Variants in SLC35F1 observed in about 807,000 individuals in gnomAD.
SLC35F1 encodes solute carrier family 35 member F1, also known as chromosome 6 open reading frame 169.
Under a neutral mutation model 48.7 loss-of-function variants are expected in SLC35F1, and 14 were observed. That is an observed-to-expected ratio of 0.29 (90% CI 0.19 to 0.45). The LOEUF is 0.45. Ranked by LOEUF, SLC35F1 falls within the 20% of genes least tolerant of loss-of-function variation. The pLI, the probability that SLC35F1 is intolerant of heterozygous loss-of-function variation, is 1.00. For missense variants in SLC35F1, 404 were observed against 500.0 expected (o/e 0.81, Z 1.83); for synonymous variants, 190 against 202.2 (o/e 0.94, Z 0.51).
At chr6:118,271,713 C>T (rs1322991126) in intron 4 of SLC35F1, among the ~76,000 whole-genome samples, 1 of 152,108 alleles carries the variant, frequency 6.6e-6, no homozygotes, top group Non-Finnish European at 1.5e-5. Flanking sequence ...AAACAAAAAT[C>T]GGATAAGGAA....
chr6:118,276,933 G>C (rs1034441531), intron 5 of SLC35F1, among the ~76,000 whole-genome samples: 2 of 152,132 alleles, frequency 1.3e-5, no homozygotes, highest in African/African-American at 4.8e-5. Context: ...TTCTAGATGA[G>C]AGGTTCTCAA....
At position 117,908,049 on chromosome 6, in the gene SLC35F1, C is replaced by T. The variant is rs57565106; in HGVS notation, c.173+150C>T. 16,711 of 813,030 alleles carry T rather than the reference C, an allele frequency of 0.021. 2,101 individuals carry two copies. In the African/African-American group the frequency reaches 0.27, roughly 13 times the overall value. 50.4% of individuals were successfully genotyped at this position (813,030 alleles called of 1,614,324 possible). On this transcript the variant is annotated intron_variant, in intron 1 of 7. Transcript: ENST00000360388. ...GGAGATCGGGCGACGACGCGCTCCGCGGGCGCAGAGAGGCCGCGGCAGCTT... is the reference window on the plus strand; with the variant it reads ...GGAGATCGGGCGACGACGCGCTCCGTGGGCGCAGAGAGGCCGCGGCAGCTT...
At chr6:117,925,741 G>C (rs1776019091) in intron 1 of SLC35F1, among the ~76,000 whole-genome samples, 1 of 152,094 alleles carries the variant, frequency 6.6e-6, no homozygotes, top group African/African-American at 2.4e-5. Flanking sequence ...GATGTGCAGG[G>C]TGGTTTGCCC....
chr6:118,266,375 T>A (rs935760603), intron 3 of SLC35F1, among the ~76,000 whole-genome samples: 1 of 152,186 alleles, frequency 6.6e-6, no homozygotes, highest in African/African-American at 2.4e-5. Context: ...AAAAAATTTT[T>A]TTTCTAATAG....
At chr6:118,008,578 T>C (rs1777205322) in intron 1 of SLC35F1, among the ~76,000 whole-genome samples, 1 of 152,326 alleles carries the variant, frequency 6.6e-6, no homozygotes, top group South Asian at 2.1e-4. Context: ...GGGCCTGACC[T>C]TATGGAGCCA....
chr6:118,053,275 A>G (rs1772416517), intron 1 of SLC35F1, among the ~76,000 whole-genome samples: 1 of 152,176 alleles, frequency 6.6e-6, no homozygotes, highest in Non-Finnish European at 1.5e-5. Flanking sequence ...AAGATTTAAG[A>G]AGACTAGAAA....
At chr6:118,092,137 T>C (rs1463763464) in intron 1 of SLC35F1, among the ~76,000 whole-genome samples, 1 of 152,140 alleles carries the variant, frequency 6.6e-6, no homozygotes, top group Non-Finnish European at 1.5e-5. Context: ...AAGAGCCAAA[T>C]GTTAATCACC....
chr6:118,114,513 A>G (rs1773450487), intron 1 of SLC35F1, among the ~76,000 whole-genome samples: 1 of 151,380 alleles, frequency 6.6e-6, no homozygotes, highest in African/African-American at 2.4e-5. Flanking sequence ...AACTGGGACT[A>G]CAGGGGCCCG....
At chr6:117,930,036 C>T (rs1050052277) in intron 1 of SLC35F1, among the ~76,000 whole-genome samples, 1 of 152,192 alleles carries the variant, frequency 6.6e-6, no homozygotes, top group African/African-American at 2.4e-5. Flanking sequence ...TGCCCAAAGT[C>T]ACATAGATAC....
chr6:118,071,068 ATATAC>A (rs1333244460), intron 1 of SLC35F1, among the ~76,000 whole-genome samples: 5 of 6,588 alleles, frequency 7.6e-4, no homozygotes, highest in South Asian at 5.4e-3. Flanking sequence ...TTCTACGTAT[ATATAC>A]TATGTGTATA....
intron 5 of SLC35F1, 77 bp from the exon 6 acceptor site, chr6:118,277,417 G>C (rs1401397810): frequency 1.6e-5 from 20 of 1,277,326 alleles, no homozygotes; most frequent in Non-Finnish European, 2.0e-5. Flanking sequence ...TCTGATAAGT[G>C]GGGGGGAAAA....
At chr6:118,287,681 A>G (rs578014010) in intron 7 of SLC35F1, among the ~76,000 whole-genome samples, 9 of 152,278 alleles carry the variant, frequency 5.9e-5, no homozygotes, top group African/African-American at 2.2e-4. Flanking sequence ...ACTGTCTTTG[A>G]TAACAGTGTA....
chr6:118,111,987 A>G (rs545721558), intron 1 of SLC35F1, among the ~76,000 whole-genome samples: 1 of 152,272 alleles, frequency 6.6e-6, no homozygotes, highest in East Asian at 1.9e-4. Flanking sequence ...ACAAATTAAT[A>G]ATGTTTTCTA....
At chr6:117,968,647 A>G (rs1466991121) in intron 1 of SLC35F1, among the ~76,000 whole-genome samples, 1 of 152,166 alleles carries the variant, frequency 6.6e-6, no homozygotes, top group Non-Finnish European at 1.5e-5. Flanking sequence ...GTGGTTTGGG[A>G]TATCTAATAC....
At chr6:118,039,063 A>T (rs2114899886) in intron 1 of SLC35F1, among the ~76,000 whole-genome samples, 2 of 152,274 alleles carry the variant, frequency 1.3e-5, no homozygotes, top group Admixed American at 1.3e-4. Context: ...AGATTTTTTA[A>T]GATTCCTTAG....
intron 1 of SLC35F1, among the ~76,000 whole-genome samples, chr6:117,972,746 G>A (rs1032671594): frequency 2.0e-5 from 3 of 152,154 alleles, no homozygotes; most frequent in African/African-American, 7.2e-5. Context: ...CTCCCACTGG[G>A]TCCCTCCCAT....
At chr6:118,018,751 G>A (rs765713032) in intron 1 of SLC35F1, among the ~76,000 whole-genome samples, 1 of 152,138 alleles carries the variant, frequency 6.6e-6, no homozygotes, top group Non-Finnish European at 1.5e-5. Flanking sequence ...GCTAGCTGGG[G>A]ATGTGTGGCT....
At chr6:118,272,596 T>G (rs989242994) in intron 4 of SLC35F1, among the ~76,000 whole-genome samples, 2 of 151,898 alleles carry the variant, frequency 1.3e-5, no homozygotes, top group African/African-American at 4.8e-5. Context: ...TTTTTTCTGC[T>G]GCTTATTTTA....
At chr6:118,262,086 A>C (rs942043782) in intron 3 of SLC35F1, among the ~76,000 whole-genome samples, 7 of 152,162 alleles carry the variant, frequency 4.6e-5, no homozygotes, top group Non-Finnish European at 1.0e-4. Flanking sequence ...TCTCACAGAC[A>C]CTCAGAAAAT....
Sources: allele counts gnomAD v4.1 joint callset (sites outside exome capture counted in the v4.1 genomes callset), GRCh38; gene constraint gnomAD v4.1.1; transcripts MANE v1.5; gene names NCBI Gene and HGNC (gene_info 2026-07-23, HGNC 2026-07-21).